Variants in TOX3 observed in about 807,000 individuals in gnomAD.
The protein encoded by TOX3 is TOX high mobility group box family member 3, also known as CAG trinucleotide repeat-containing gene F9 protein.
Under a neutral mutation model 64.3 loss-of-function variants are expected in TOX3, and 22 were observed. That is an observed-to-expected ratio of 0.34 (90% CI 0.24 to 0.49). The LOEUF is 0.49. TOX3 is among the 20% of genes least tolerant of loss of function. The pLI is 0.99. For missense variants in TOX3, 661 were observed against 714.4 expected (o/e 0.93, Z 0.85); for synonymous variants, 291 against 273.6 (o/e 1.06, Z -0.63).
chr16:52,439,111 A>G lies in TOX3; in HGVS notation c.*114T>C, dbSNP rs1374943885. ...AATAGACACTTGAGAGGACCGTTTG[A>G]TCTGTTACACATTTCTGCATAACCA... On this transcript the variant is annotated 3_prime_UTR_variant, in exon 7 of 7. Transcript: ENST00000219746. 22 of 1,471,390 alleles carry G rather than the reference A, an allele frequency of 1.5e-5. No homozygotes were observed. Among genetic ancestry groups the G allele is most frequent in the Non-Finnish European group, 2.0e-5 (22 of 1,076,430 alleles). 91.1% of individuals were successfully genotyped at this position (1,471,390 alleles called of 1,614,324 possible). A position where few individuals can be genotyped will look rare whatever the true frequency, so the allele number is the denominator to read the frequency against.
chr16:52,467,069 G>C (rs975606046), intron 2 of TOX3, among the ~76,000 whole-genome samples: 4 of 152,118 alleles, frequency 2.6e-5, no homozygotes, highest in African/African-American at 7.2e-5. Context: ...TATGTACATG[G>C]TTAAATACCA....
intron 1 of TOX3, among the ~76,000 whole-genome samples, chr16:52,472,487 T>G (rs1961078075): frequency 6.6e-6 from 1 of 152,190 alleles, no homozygotes; most frequent in African/African-American, 2.4e-5. Flanking sequence ...ATGTATTTGT[T>G]TTATTAATAT....
chr16:52,450,964 A>G (rs1960327538), intron 3 of TOX3, among the ~76,000 whole-genome samples: 1 of 152,240 alleles, frequency 6.6e-6, no homozygotes, highest in Admixed American at 6.5e-5. Flanking sequence ...GACCGCACCC[A>G]TTTAGGCTCA....
intron 4 of TOX3, among the ~76,000 whole-genome samples, chr16:52,446,443 C>A (rs941654204): frequency 8.5e-5 from 13 of 152,150 alleles, no homozygotes; most frequent in African/African-American, 3.1e-4. Context: ...ATCTTCAATA[C>A]GTTCACAACA....
chr16:52,459,381 C>A (rs1475231266), intron 3 of TOX3, among the ~76,000 whole-genome samples: 2 of 152,060 alleles, frequency 1.3e-5, no homozygotes, highest in Non-Finnish European at 2.9e-5. Context: ...AGTAAATATT[C>A]ATTGAAGGTT....
At chr16:52,486,892 T>C (rs1961547435) in intron 1 of TOX3, among the ~76,000 whole-genome samples, 2 of 152,104 alleles carry the variant, frequency 1.3e-5, no homozygotes, top group African/African-American at 2.4e-5. Context: ...GATATGATTG[T>C]ACCACTGCAC....
chr16:52,500,715 G>A (rs867552173), intron 1 of TOX3, among the ~76,000 whole-genome samples: 18 of 152,026 alleles, frequency 1.2e-4, no homozygotes, highest in Middle Eastern at 3.2e-3. Context: ...CCCATTTATC[G>A]TCTTATTTCT....
At chr16:52,515,796 AG>A (rs45549031) in intron 1 of TOX3, among the ~76,000 whole-genome samples, 71 of 152,348 alleles carry the variant, frequency 4.7e-4, no homozygotes, top group Non-Finnish European at 8.2e-4. Flanking sequence ...GGATATCTAT[AG>A]CAAACTATAT....
chr16:52,499,945 G>T (rs1449555025), intron 1 of TOX3, among the ~76,000 whole-genome samples: 4 of 152,158 alleles, frequency 2.6e-5, no homozygotes, highest in African/African-American at 9.7e-5. Flanking sequence ...ACCAATCTTT[G>T]GCCTGAACAC....
chr16:52,450,402 G>T lies in TOX3; in HGVS notation c.553C>A (p.Gln185Lys). ...GCACCTCCCAAATTCAACCCCAACT[G>T]GGCGCTGAGCTGAGACTGGTTGATG... ...TTINQSQLSAQLGLNLGGASM... is the reference protein window; with the variant it reads ...TTINQSQLSAKLGLNLGGASM... The change falls in exon 4 of 7, where the codon CAG becomes AAG. Residue 185 changes from glutamine to lysine, a missense_variant. This residue lies in a region of TOX3 where 259 missense variants were observed against 261.2 expected (regional missense o/e 0.99). Transcript: ENST00000219746. The T allele has an allele frequency of 1.2e-6, 2 of 1,614,002 alleles. No individual in the cohort carries two copies. The highest frequency in any genetic ancestry group is 2.2e-5 in the South Asian group (2 of 91,082).
intron 1 of TOX3, among the ~76,000 whole-genome samples, chr16:52,471,144 G>T (rs141077307): frequency 4.1e-4 from 63 of 152,168 alleles, no homozygotes; most frequent in African/African-American, 1.5e-3. Context: ...ACTATTTGGG[G>T]TATACTTATA....
chr16:52,504,677 G>A (rs1962110113), intron 1 of TOX3, among the ~76,000 whole-genome samples: 1 of 152,048 alleles, frequency 6.6e-6, no homozygotes. Flanking sequence ...GCTTTTAGGG[G>A]CTTATGGGAT....
At chr16:52,443,438 T>C (rs1008820498) in intron 6 of TOX3, among the ~76,000 whole-genome samples, 1 of 152,042 alleles carries the variant, frequency 6.6e-6, no homozygotes, top group Non-Finnish European at 1.5e-5. Context: ...ACAGATAATA[T>C]AAAGAAGAAG....
upstream of TOX3, chr16:52,547,421 C>G (rs1963225699): frequency 6.6e-6 from 1 of 151,466 alleles, no homozygotes; most frequent in Non-Finnish European, 1.5e-5. Context: ...CGGAGCGCTC[C>G]TCTCTCCCCT....
chr16:52,438,318 A>C lies in TOX3; in HGVS notation c.*907T>G, dbSNP rs1316809188. 6.5e-6 allele frequency: 1 copy of C among 152,684 alleles called. No homozygotes were observed. Among genetic ancestry groups the C allele is most frequent in the Non-Finnish European group, 1.5e-5 (1 of 68,046 alleles). 9.5% of individuals were successfully genotyped at this position (152,684 alleles called of 1,614,324 possible). ...TACAACTTTGAAAGAAAATATTTAC[A>C]TTGATTATTCAGATGTGGTGTGCCT... On this transcript the variant is annotated 3_prime_UTR_variant, in exon 7 of 7. Coordinates refer to ENST00000219746, the MANE Select transcript of TOX3 (RefSeq NM_001080430.4).
At chr16:52,443,222 T>C (rs187941086) in intron 6 of TOX3, among the ~76,000 whole-genome samples, 1 of 152,338 alleles carries the variant, frequency 6.6e-6, no homozygotes. Context: ...TTTCTGCCAA[T>C]GTGCAAGTCT....
Position 52,438,617 on chromosome 16 carries a change from G to A in TOX3, c.*608C>T. 5.3e-6 allele frequency: 1 copy of A among 189,134 alleles called. No homozygotes were observed. The highest frequency in any genetic ancestry group is 1.1e-5 in the Non-Finnish European group (1 of 90,828). The allele number at this position is 189,134 out of a possible 1,614,324, so 11.7% of individuals were successfully genotyped here. A position where few individuals can be genotyped will look rare whatever the true frequency, so the allele number is the denominator to read the frequency against. ...AGTCATGGATAAAAAGTGGAAATTA[G>A]TCAATAATTGAATTTAGTCACTTGC... is the stretch of plus-strand genomic sequence containing the variant. On this transcript the variant is annotated 3_prime_UTR_variant, in exon 7 of 7. Coordinates refer to ENST00000219746, the MANE Select transcript of TOX3 (RefSeq NM_001080430.4).
chr16:52,533,310 C>T (rs865977431), intron 1 of TOX3, among the ~76,000 whole-genome samples: 2 of 152,262 alleles, frequency 1.3e-5, no homozygotes, highest in Admixed American at 6.5e-5. Context: ...TATCCACATC[C>T]CCATGTGCCA....
intron 1 of TOX3, among the ~76,000 whole-genome samples, chr16:52,495,388 G>A (rs1473410055): frequency 6.6e-6 from 1 of 152,172 alleles, no homozygotes; most frequent in Non-Finnish European, 1.5e-5. Flanking sequence ...TGAAAGGAAG[G>A]TAAGTACTAA....
Sources: gnomAD v4.1 joint callset for allele counts (sites outside exome capture counted in the v4.1 genomes callset) on GRCh38, gnomAD v4.1.1 for gene constraint, gnomAD v4.1.1 regional missense constraint, MANE v1.5 for transcripts, NCBI Gene and HGNC (gene_info 2026-07-23, HGNC 2026-07-21) for gene names.